CNTN4: variants seen among roughly 807,000 people sequenced by gnomAD.
The protein encoded by CNTN4 is contactin 4.
In CNTN4, 77 loss-of-function variants were observed where a neutral mutation model predicts 122.5. The ratio of observed to expected loss-of-function variants is 0.63; its 90% CI spans 0.52 to 0.76. The LOEUF (loss-of-function observed/expected upper bound fraction) is 0.76. CNTN4 is among the 30% of genes least tolerant of loss of function. The probability of loss-of-function intolerance (pLI) is 0.00; values close to 1 mark genes in which losing one functional copy is unlikely to be tolerated. For missense variants in CNTN4, 1,256 were observed against 1,259.1 expected (o/e 1.00, Z 0.04); for synonymous variants, 512 against 447.0 (o/e 1.15, Z -1.83).
intron 12 of CNTN4, among the ~76,000 whole-genome samples, chr3:2,913,627 C>G (rs79862211): frequency 6.6e-6 from 1 of 152,168 alleles, no homozygotes; most frequent in African/African-American, 2.4e-5. Flanking sequence ...TGTTAGAAAT[C>G]TGTATGCACC....
intron 13 of CNTN4, among the ~76,000 whole-genome samples, chr3:2,962,361 C>T (rs2094869911): frequency 2.0e-5 from 3 of 152,242 alleles, no homozygotes; most frequent in Non-Finnish European, 4.4e-5. Flanking sequence ...CTTCTGTCCC[C>T]AGGTTCACCA....
intron 2 of CNTN4, among the ~76,000 whole-genome samples, chr3:2,201,247 T>G (rs981224184): frequency 7.2e-5 from 11 of 152,170 alleles, no homozygotes; most frequent in African/African-American, 2.7e-4. Flanking sequence ...TACCTGTAAT[T>G]AGCTTCAAGA....
chr3:2,583,227 T>A (rs1171127594), intron 4 of CNTN4, among the ~76,000 whole-genome samples: 3 of 152,228 alleles, frequency 2.0e-5, no homozygotes, highest in Non-Finnish European at 4.4e-5. Context: ...GATCTGGCCA[T>A]GGTTGACATA....
chr3:2,794,949 C>G (rs1322977689), intron 6 of CNTN4, among the ~76,000 whole-genome samples: 1 of 152,132 alleles, frequency 6.6e-6, no homozygotes, highest in African/African-American at 2.4e-5. Flanking sequence ...TAATCACTTA[C>G]CAATGGCCCT....
At chr3:2,222,112 A>G (rs1401537283) in intron 2 of CNTN4, among the ~76,000 whole-genome samples, 1 of 152,206 alleles carries the variant, frequency 6.6e-6, no homozygotes, top group Non-Finnish European at 1.5e-5. Context: ...TGTTTATAAC[A>G]GCATGATTCA....
chr3:2,626,835 C>T (rs61028875), intron 4 of CNTN4, among the ~76,000 whole-genome samples: 2,690 of 152,242 alleles, frequency 0.018, 74 homozygotes, highest in African/African-American at 0.062. Flanking sequence ...AAAATTGTTA[C>T]GAGGAGGAAG....
intron 3 of CNTN4, among the ~76,000 whole-genome samples, chr3:2,498,556 C>G (rs990929630): frequency 2.6e-5 from 4 of 152,156 alleles, no homozygotes; most frequent in Admixed American, 1.3e-4. Flanking sequence ...TCATGGCTCA[C>G]TGCAGCCTTG....
chr3:2,876,283 A>G (rs1166598383), intron 8 of CNTN4, among the ~76,000 whole-genome samples: 5 of 152,306 alleles, frequency 3.3e-5, no homozygotes, highest in South Asian at 2.1e-4. Flanking sequence ...ACTAGACTAC[A>G]TATATCTCCT....
At chr3:2,747,888 T>G (rs183309134) in intron 6 of CNTN4, among the ~76,000 whole-genome samples, 1 of 152,224 alleles carries the variant, frequency 6.6e-6, no homozygotes, top group Admixed American at 6.5e-5. Context: ...ATCTCTTTCT[T>G]AAAATTGAGC....
chr3:2,535,624 A>C (rs556792992), intron 3 of CNTN4, among the ~76,000 whole-genome samples: 2 of 152,186 alleles, frequency 1.3e-5, no homozygotes, highest in South Asian at 4.1e-4. Context: ...TTCATGATAG[A>C]GATTCCTATG....
At chr3:2,277,368 A>G (rs908028335) in intron 2 of CNTN4, among the ~76,000 whole-genome samples, 2 of 152,104 alleles carry the variant, frequency 1.3e-5, no homozygotes, top group Non-Finnish European at 2.9e-5. Context: ...AAGTTAAAAC[A>G]CATGCTAACT....
At chr3:2,443,416 T>G (rs1308524734) in intron 3 of CNTN4, among the ~76,000 whole-genome samples, 1 of 152,176 alleles carries the variant, frequency 6.6e-6, no homozygotes, top group Non-Finnish European at 1.5e-5. Flanking sequence ...TTTTCTCACA[T>G]GTGCCCATCC....
chr3:2,666,032 T>C (rs1229361907), intron 4 of CNTN4, among the ~76,000 whole-genome samples: 2 of 152,236 alleles, frequency 1.3e-5, no homozygotes, highest in African/African-American at 4.8e-5. Context: ...CGAAGATATC[T>C]GACCCTTAAA....
chr3:2,104,574 G>A (rs2032277619), intron 2 of CNTN4, among the ~76,000 whole-genome samples: 1 of 152,120 alleles, frequency 6.6e-6, no homozygotes, highest in Non-Finnish European at 1.5e-5. Flanking sequence ...CAGAGTGTGA[G>A]GAGATAAATA....
chr3:2,261,881 G>T (rs895664650), intron 2 of CNTN4, among the ~76,000 whole-genome samples: 1 of 152,100 alleles, frequency 6.6e-6, no homozygotes, highest in Non-Finnish European at 1.5e-5. Context: ...TGTTGAAAGC[G>T]ATTTTATTGT....
chr3:2,426,126 G>C (rs2047821950), intron 3 of CNTN4, among the ~76,000 whole-genome samples: 1 of 152,168 alleles, frequency 6.6e-6, no homozygotes, highest in Admixed American at 6.5e-5. Context: ...TGGTGAGAGA[G>C]GGCATCCCTG....
intron 4 of CNTN4, among the ~76,000 whole-genome samples, chr3:2,591,663 C>A (rs865874658): frequency 3.9e-5 from 2 of 51,574 alleles, no homozygotes; most frequent in South Asian, 8.3e-4. Context: ...CGCGCCCGGC[C>A]GATTTGTGAC....
At chr3:2,554,452 G>C (rs995012189) in intron 3 of CNTN4, among the ~76,000 whole-genome samples, 7 of 151,944 alleles carry the variant, frequency 4.6e-5, no homozygotes, top group Non-Finnish European at 1.0e-4. Context: ...TCCTGCATTT[G>C]TACAATGATT....
intron 4 of CNTN4, among the ~76,000 whole-genome samples, chr3:2,600,241 A>T (rs756901039): frequency 3.1e-4 from 47 of 151,808 alleles, no homozygotes; most frequent in Non-Finnish European, 1.3e-4. Flanking sequence ...TCTAGGGTAC[A>T]TGTGTACAAC....
Sources: gnomAD v4.1 joint callset for allele counts (sites outside exome capture counted in the v4.1 genomes callset) on GRCh38, gnomAD v4.1.1 for gene constraint, MANE v1.5 for transcripts, NCBI Gene and HGNC (gene_info 2026-07-23, HGNC 2026-07-21) for gene names.